Variants in SETD5 observed in about 807,000 individuals in gnomAD.
SETD5 encodes the protein SET domain containing 5.
SETD5 carries 44 observed loss-of-function variants against 153.3 expected under a neutral mutation model. That is an observed-to-expected ratio of 0.29 (90% CI 0.23 to 0.37). The LOEUF is 0.37. Among genes scored for constraint, SETD5 ranks in the 10% least tolerant of loss-of-function variants. The probability of loss-of-function intolerance (pLI) is 1.00; values close to 1 mark genes in which losing one functional copy is unlikely to be tolerated. For synonymous variants in SETD5, 716 were observed against 645.2 expected (o/e 1.11, Z -1.66); for missense variants, 1,544 against 1,768.0 (o/e 0.87, Z 2.27).
rs1011899599 is a variant in SETD5, at chr3:9,456,250, C to T, written c.2476+2382C>T. The stretch of plus-strand genomic sequence containing the variant: ...CAGCACTTTGGGAGGCCAAGGTGGG[C>T]GGATCATCTGAGGTCAGGAGTTCAA... On this transcript the variant is annotated intron_variant, in intron 17 of 22. Transcript: ENST00000402198. 4.6e-5 allele frequency among the ~76,000 whole-genome samples: 7 copies of T among 151,772 alleles called. 1 individual carries two copies. Among genetic ancestry groups the T allele is most frequent in the East Asian group, 3.9e-4 (2 of 5,166 alleles).
At chr3:9,443,946 C>T (rs767300064) in intron 11 of SETD5, among the ~76,000 whole-genome samples, 9 of 152,330 alleles carry the variant, frequency 5.9e-5, no homozygotes, top group Non-Finnish European at 1.0e-4. Context: ...CCTGTAGTCC[C>T]AGCCACTTGA....
Position 9,452,425 on chromosome 3 carries a change from C to T in SETD5, c.2347-1314C>T, listed in dbSNP as rs1410678699. ...GGCTATATGTATGGTTCTGACAATT[C>T]ATCTTTACATCATTATTCTGTATCT... On this transcript the variant is annotated intron_variant, in intron 16 of 22. Transcript: ENST00000402198. Among the ~76,000 whole-genome samples, 8 of 152,284 alleles carry T rather than the reference C, an allele frequency of 5.3e-5. No individual in the cohort carries two copies. The East Asian group carries it at 1.5e-3, about 29-fold the overall frequency.
intron 17 of SETD5, among the ~76,000 whole-genome samples, chr3:9,462,650 G>A (rs1351136072): frequency 1.3e-5 from 2 of 151,728 alleles, no homozygotes; most frequent in African/African-American, 2.4e-5. Flanking sequence ...GCTCATGGCT[G>A]TAATCCCAAC....
intron 3 of SETD5, chr3:9,429,862 G>A: frequency 4.6e-6 from 6 of 1,303,886 alleles, no homozygotes; most frequent in Non-Finnish European, 6.1e-6. Context: ...TCAAGACGAA[G>A]TGGCACTACA....
At chr3:9,468,529 C>T in intron 18 of SETD5, 1 of 1,304,224 alleles carries the variant, frequency 7.7e-7, no homozygotes, top group Non-Finnish European at 1.0e-6. Flanking sequence ...AACATATCCT[C>T]CCCTGAGAGT....
intron 1 of SETD5, 39 bp downstream of exon 1, chr3:9,398,016 G>C (rs2125365888): frequency 6.6e-6 from 1 of 152,010 alleles, no homozygotes; most frequent in Admixed American, 6.5e-5. Context: ...CCTCACGATC[G>C]GGCCCCAGGG....
intron 3 of SETD5, 115 bp from the exon 4 acceptor site, chr3:9,433,730 T>C (rs748886707): frequency 6.4e-6 from 7 of 1,094,774 alleles, no homozygotes; most frequent in Non-Finnish European, 9.5e-6. Flanking sequence ...TTCTTTCTCT[T>C]ATCCTAGTGG....
At chr3:9,418,401 G>A (rs2037864815) in intron 1 of SETD5, among the ~76,000 whole-genome samples, 1 of 152,106 alleles carries the variant, frequency 6.6e-6, no homozygotes, top group South Asian at 2.1e-4. Context: ...TTATGTCAAA[G>A]GACAACTATA....
Position 9,468,416 on chromosome 3 carries a change from A to G in SETD5, c.2725-2043A>G, listed in dbSNP as rs920384074. The stretch of plus-strand genomic sequence containing the variant: ...TCTTATTCAACTTCCCCGCCCCCGA[A>G]AAAAGTTATGGCTAACATCTATGCT... On this transcript the variant is annotated intron_variant, in intron 18 of 22. Coordinates refer to ENST00000402198, the MANE Select transcript of SETD5 (RefSeq NM_001080517.3). The G allele has an allele frequency of 7.8e-6, 8 of 1,024,686 alleles. No individual in the cohort carries two copies. The African/African-American group carries it at 1.3e-4, about 17-fold the overall frequency. The allele number at this position is 1,024,686 out of a possible 1,614,324, so 63.5% of individuals were successfully genotyped here. A position where few individuals can be genotyped will look rare whatever the true frequency, so the allele number is the denominator to read the frequency against.
chr3:9,419,670 G>A (rs2038082263), intron 1 of SETD5, among the ~76,000 whole-genome samples: 1 of 152,116 alleles, frequency 6.6e-6, no homozygotes, highest in Non-Finnish European at 1.5e-5. Context: ...TCTTTCCTCT[G>A]AACTTTACTA....
intron 3 of SETD5, chr3:9,430,347 G>T (rs2125057795): frequency 1.0e-6 from 1 of 983,508 alleles, no homozygotes; most frequent in Non-Finnish European, 1.2e-6. Context: ...AGCAGTGTTT[G>T]GGCTTATTCC....
At chr3:9,439,630 C>T (rs953560953) in intron 7 of SETD5, among the ~76,000 whole-genome samples, 1 of 152,148 alleles carries the variant, frequency 6.6e-6, no homozygotes, top group African/African-American at 2.4e-5. Context: ...TGCTTTGTCT[C>T]TGTAGCTCAG....
intron 7 of SETD5, chr3:9,436,827 A>G (rs2040626016): frequency 6.5e-7 from 1 of 1,549,328 alleles, no homozygotes; most frequent in Non-Finnish European, 8.7e-7. Context: ...TGTTTGTTCT[A>G]CTTGTTTTCC....
At chr3:9,442,425 G>T (rs2041408767) in intron 10 of SETD5, among the ~76,000 whole-genome samples, 180 bp downstream of exon 10, 1 of 152,200 alleles carries the variant, frequency 6.6e-6, no homozygotes. Context: ...CGCAAGGAAA[G>T]AGTTTTCTTT....
chr3:9,448,621 C>T lies in SETD5; in HGVS notation c.2337C>T (p.Ser779=), dbSNP rs1209118208. The T allele has an allele frequency of 1.9e-6, 3 of 1,586,196 alleles. No individual in the cohort carries two copies. The highest frequency in any genetic ancestry group is 2.6e-6 in the Non-Finnish European group (3 of 1,164,456). The change falls in exon 16 of 23, where the codon TCC becomes TCT. Residue 779 remains serine (S), a synonymous_variant. Transcript: ENST00000402198. Reference sequence around the variant, plus strand: ...TTCTGCCTGATGGCACATTCAGCTCCTGTAAGAAGGTATGTCTGTGTTTTT... The same window carrying T: ...TTCTGCCTGATGGCACATTCAGCTCTTGTAAGAAGGTATGTCTGTGTTTTT... ...RPLLPDGTFS[S]CKKRWIKQAL... is the part of the protein sequence containing the mutation.
chr3:9,467,345 A>G (rs2044729690), intron 18 of SETD5, among the ~76,000 whole-genome samples: 1 of 152,104 alleles, frequency 6.6e-6, no homozygotes, highest in Non-Finnish European at 1.5e-5. Context: ...GTGGAAGAGA[A>G]CAAGATCTTC....
At position 9,464,508 on chromosome 3, in the gene SETD5, G is replaced by A; in HGVS notation, c.2560G>A (p.Val854Ile). 4 of 1,613,996 alleles carry A rather than the reference G, an allele frequency of 2.5e-6. No homozygotes were observed. The South Asian group carries it at 3.3e-5, about 13-fold the overall frequency. ...VTKLLRPLSP[V>I]TPPPPNSGSK... is the part of the protein sequence containing the mutation. ...CAAGTTACTTCGGCCTCTGTCTCCA[G>A]TCACACCACCCCCTCCCAATTCAGG... The change falls in exon 18 of 23, where the codon GTC becomes ATC. Residue 854 changes from valine (V) to isoleucine (I), a missense_variant. Transcript: ENST00000402198.
chr3:9,436,916 GT>G, intron 7 of SETD5: 1 of 1,547,302 alleles, frequency 6.5e-7, no homozygotes, highest in Non-Finnish European at 8.7e-7. Flanking sequence ...CTGATGCTGT[GT>G]TTTACTTCAC....
At chr3:9,411,181 C>T (rs1229402079) in intron 1 of SETD5, among the ~76,000 whole-genome samples, 1 of 152,124 alleles carries the variant, frequency 6.6e-6, no homozygotes, top group Admixed American at 6.6e-5. Flanking sequence ...CCATGTTTGT[C>T]TCTGGGAATT....
Sources: allele counts gnomAD v4.1 joint callset (sites outside exome capture counted in the v4.1 genomes callset), GRCh38; gene constraint gnomAD v4.1.1; transcripts MANE v1.5; gene names NCBI Gene and HGNC (gene_info 2026-07-23, HGNC 2026-07-21).